Variants in IFT27 observed in about 807,000 individuals in gnomAD.
IFT27 encodes the protein intraflagellar transport protein 27 homolog.
IFT27 carries 19 observed loss-of-function variants against 23.9 expected under a neutral mutation model. The ratio of observed to expected loss-of-function variants is 0.79; its 90% CI spans 0.55 to 1.16. IFT27 has a LOEUF of 1.16. IFT27 is among the 50% of genes most tolerant of loss of function. The pLI, the probability that IFT27 is intolerant of heterozygous loss-of-function variation, is 0.00. For missense variants in IFT27, 206 were observed against 228.7 expected (o/e 0.90, Z 0.64); for synonymous variants, 91 against 89.1 (o/e 1.02, Z -0.12).
chr22:36,764,519 C>A (rs1457920670), intron 4 of IFT27, among the ~76,000 whole-genome samples: 2 of 152,264 alleles, frequency 1.3e-5, no homozygotes, highest in African/African-American at 4.8e-5. Flanking sequence ...TCATTCTTAT[C>A]AAGAGCCCAC....
chr22:36,775,852 G>T lies in IFT27; in HGVS notation c.-145C>A, dbSNP rs969649704. The stretch of plus-strand genomic sequence containing the variant: ...TCTCAAGGGTCAGTGGCCGCGACGG[G>T]ACTGGGGATGACCGAGCCCGGCCCT... On this transcript the variant is annotated 5_prime_UTR_variant, in exon 1 of 7. Coordinates refer to ENST00000433985, the MANE Select transcript of IFT27 (RefSeq NM_001177701.3). 1.4e-5 allele frequency: 9 copies of T among 660,780 alleles called. No homozygotes were observed. The highest frequency in any genetic ancestry group is 9.2e-5 in the African/African-American group (5 of 54,056). 40.9% of individuals were successfully genotyped at this position (660,780 alleles called of 1,614,324 possible).
chr22:36,765,277 G>A lies in IFT27; in HGVS notation c.234+861C>T, dbSNP rs577825094. Among the ~76,000 whole-genome samples the A allele has an allele frequency of 1.4e-4, 22 of 152,260 alleles. No homozygotes were observed. In the South Asian group the frequency reaches 2.1e-3, roughly 14 times the overall value. On this transcript the variant is annotated intron_variant, in intron 4 of 6. Transcript: ENST00000433985. ...CCTGGCATCAAGCTAAAGCCAGAGCGGGTGAACCAGGAGTCAGGGCCGGCT... is the reference window on the plus strand; with the variant it reads ...CCTGGCATCAAGCTAAAGCCAGAGCAGGTGAACCAGGAGTCAGGGCCGGCT...
chr22:36,771,621 A>C (rs1938387507), intron 1 of IFT27, among the ~76,000 whole-genome samples: 1 of 152,108 alleles, frequency 6.6e-6, no homozygotes, highest in African/African-American at 2.4e-5. Flanking sequence ...GGTCTCTTCA[A>C]GCTTCTGACA....
At chr22:36,764,493 T>A (rs937372952) in intron 4 of IFT27, among the ~76,000 whole-genome samples, 1 of 152,246 alleles carries the variant, frequency 6.6e-6, no homozygotes, top group African/African-American at 2.4e-5. Flanking sequence ...GCTGGCCTCA[T>A]TCATTCATTC....
intron 1 of IFT27, among the ~76,000 whole-genome samples, chr22:36,774,404 G>A (rs988065220): frequency 1.2e-4 from 19 of 152,296 alleles, no homozygotes; most frequent in African/African-American, 4.6e-4. Flanking sequence ...ACAGAAACAC[G>A]AGTTAAGAGT....
intron 1 of IFT27, among the ~76,000 whole-genome samples, chr22:36,770,148 C>T (rs1279575356): frequency 6.6e-6 from 1 of 152,198 alleles, no homozygotes; most frequent in Non-Finnish European, 1.5e-5. Context: ...CGACAGCAGG[C>T]AGGGCGCTGC....
At chr22:36,765,964 T>G (rs1227931655) in intron 4 of IFT27, among the ~76,000 whole-genome samples, 174 bp downstream of exon 4, 1 of 152,150 alleles carries the variant, frequency 6.6e-6, no homozygotes, top group Non-Finnish European at 1.5e-5. Flanking sequence ...CATCAGCCAC[T>G]CCTTCTTGCC....
chr22:36,772,107 C>T (rs1938397541), intron 1 of IFT27, among the ~76,000 whole-genome samples: 2 of 152,230 alleles, frequency 1.3e-5, no homozygotes, highest in Admixed American at 6.5e-5. Flanking sequence ...AATACCCTTC[C>T]TGCACAGCCT....
chr22:36,762,961 T>C lies in IFT27; in HGVS notation c.405A>G (p.Ser135=). 6.2e-7 allele frequency: 1 copy of C among 1,606,334 alleles called. No homozygotes were observed. Among genetic ancestry groups the C allele is most frequent in the South Asian group, 1.1e-5 (1 of 89,312 alleles). Reference sequence around the variant, plus strand: ...CCAGCGCCCATGCCCGGGCCTCAGCTGAGTCCACTGCTCGTCTGCCGGCCA... The same window carrying C: ...CCAGCGCCCATGCCCGGGCCTCAGCCGAGTCCACTGCTCGTCTGCCGGCCA... ...TDLAGRRAVD[S]AEARAWALGQ... The change falls in exon 6 of 7, where the codon TCA becomes TCG. Residue 135 remains serine, a synonymous_variant. Transcript: ENST00000433985.
At chr22:36,763,579 T>C (rs940341938) in intron 5 of IFT27, 2 of 414,436 alleles carry the variant, frequency 4.8e-6, no homozygotes, top group Non-Finnish European at 9.1e-6. Context: ...GCTTGAATGT[T>C]TACTTGTACC....
intron 4 of IFT27, 59 bp from the exon 5 acceptor site, chr22:36,764,095 G>T: frequency 1.5e-6 from 2 of 1,297,682 alleles, no homozygotes; most frequent in Non-Finnish European, 2.2e-6. Flanking sequence ...CTTCAAGGCT[G>T]GGAGACAATT....
At chr22:36,775,135 A>G (rs1468198473) in intron 1 of IFT27, among the ~76,000 whole-genome samples, 1 of 152,068 alleles carries the variant, frequency 6.6e-6, no homozygotes, top group African/African-American at 2.4e-5. Flanking sequence ...GAGACTCAAC[A>G]TTTATGCCCT....
chr22:36,770,337 CCCTGG>C (rs2145923285), intron 1 of IFT27, among the ~76,000 whole-genome samples: 1 of 152,230 alleles, frequency 6.6e-6, no homozygotes, highest in Non-Finnish European at 1.5e-5. Flanking sequence ...AGTGACCCTG[CCCTGG>C]CCTGGTTCTC....
chr22:36,766,858 C>A (rs1938262682), intron 3 of IFT27, among the ~76,000 whole-genome samples: 1 of 152,130 alleles, frequency 6.6e-6, no homozygotes, highest in Non-Finnish European at 1.5e-5. Flanking sequence ...GTCTAAACAT[C>A]AGCACCATTG....
At chr22:36,769,293 G>A (rs1219273237) in intron 1 of IFT27, among the ~76,000 whole-genome samples, 2 of 151,890 alleles carry the variant, frequency 1.3e-5, no homozygotes, top group African/African-American at 4.8e-5. Flanking sequence ...TGGGTAACTC[G>A]CCCAGGATTC....
chr22:36,763,069 A>G, intron 5 of IFT27, 56 bp from the exon 6 acceptor site: 1 of 1,322,964 alleles, frequency 7.6e-7, no homozygotes, highest in Non-Finnish European at 1.1e-6. Context: ...CTGGAAGGAC[A>G]GCGGGCGAGA....
chr22:36,775,571 A>C, intron 1 of IFT27, 103 bp downstream of exon 1: 2 of 1,254,738 alleles, frequency 1.6e-6, no homozygotes, highest in South Asian at 1.2e-5. Context: ...TGGGAGAGAG[A>C]AAGGAAAAGG....
At chr22:36,768,199 C>T (rs1266931495) in intron 1 of IFT27, 1 of 434,020 alleles carries the variant, frequency 2.3e-6, no homozygotes, top group Non-Finnish European at 4.6e-6. Context: ...AAAGCTGTCA[C>T]TTCCAAACTG....
intron 1 of IFT27, chr22:36,772,483 A>T: frequency 5.1e-6 from 5 of 985,000 alleles, no homozygotes; most frequent in Non-Finnish European, 6.0e-6. Context: ...TTTTAAAAGT[A>T]AACAAAATAC....
Sources: gnomAD v4.1 joint callset for allele counts (sites outside exome capture counted in the v4.1 genomes callset) on GRCh38, gnomAD v4.1.1 for gene constraint, MANE v1.5 for transcripts, NCBI Gene and HGNC (gene_info 2026-07-23, HGNC 2026-07-21) for gene names.